Variants in HMCN2 observed in about 807,000 individuals in gnomAD.
The protein encoded by HMCN2 is hemicentin 2, also known as hemicentin-2.
A neutral mutation model predicts 377.5 loss-of-function variants in HMCN2; 325 were observed. The ratio of observed to expected loss-of-function variants is 0.86; its 90% confidence interval spans 0.79 to 0.94. HMCN2 has a LOEUF of 0.94. Ranked by LOEUF, HMCN2 falls within the 40% of genes least tolerant of loss-of-function variation. The probability of loss-of-function intolerance (pLI) is 0.00; values close to 1 mark genes in which losing one functional copy is unlikely to be tolerated. For missense variants in HMCN2, 4,543 were observed against 4,725.3 expected (o/e 0.96, Z 1.13); for synonymous variants, 2,007 against 2,046.8 (o/e 0.98, Z 0.53).
chr9:130,388,697 G>C (rs917344475), intron 62 of HMCN2, among the ~76,000 whole-genome samples, 157 bp downstream of exon 62: 2 of 147,032 alleles, frequency 1.4e-5, no homozygotes, highest in Admixed American at 7.0e-5. Flanking sequence ...ATTTGTGTTT[G>C]AGTGAAGCGT....
At chr9:130,420,014 T>C (rs1843904870) in intron 86 of HMCN2, among the ~76,000 whole-genome samples, 1 of 151,736 alleles carries the variant, frequency 6.6e-6, no homozygotes, top group Admixed American at 6.6e-5. Context: ...GTCTCAGAGT[T>C]AGCCTTGGGT....
intron 1 of HMCN2, among the ~76,000 whole-genome samples, chr9:130,275,859 G>GGCCTGGAA (rs1212653577): frequency 6.6e-6 from 1 of 151,728 alleles, no homozygotes; most frequent in Non-Finnish European, 1.5e-5. Context: ...CCTCCTTGGA[G>GGCCTGGAA]GCCTGGAGGC....
At position 130,302,841 on chromosome 9, in the gene HMCN2, T is replaced by C. The variant is rs535903579; in HGVS notation, c.1277-16T>C. Reference sequence around the variant, plus strand: ...GGCGGTGGGGAGACATTCTGAGTCCTGGTCCCCGCCTACAGGCGCTCCCCT... The same window carrying C: ...GGCGGTGGGGAGACATTCTGAGTCCCGGTCCCCGCCTACAGGCGCTCCCCT... On this transcript the variant is annotated splice_polypyrimidine_tract_variant and intron_variant, in intron 8 of 97. Transcript: ENST00000683500. The C allele has an allele frequency of 4.4e-6, 2 of 454,686 alleles. No homozygotes were observed. Among genetic ancestry groups the C allele is most frequent in the East Asian group, 1.4e-4 (2 of 14,130 alleles). The allele number at this position is 454,686 out of a possible 1,614,324, so 28.2% of individuals were successfully genotyped here. A position where few individuals can be genotyped will look rare whatever the true frequency, so the allele number is the denominator to read the frequency against.
chr9:130,382,354 T>C, intron 55 of HMCN2, 57 bp downstream of exon 55: 2 of 836,198 alleles, frequency 2.4e-6, no homozygotes, highest in Non-Finnish European at 2.9e-6. Flanking sequence ...CGTAAGGGCC[T>C]CCCTCAGAAG....
rs114785636 is a variant in HMCN2 at position 130,396,968 on chromosome 9, G to A, written c.11199-560G>A. 2.1e-3 allele frequency among the ~76,000 whole-genome samples: 324 copies of A among 152,296 alleles called. 2 individuals are homozygous for A. The highest frequency in any genetic ancestry group is 7.4e-3 in the African/African-American group (307 of 41,560). On this transcript the variant is annotated intron_variant, in intron 73 of 97. Coordinates refer to ENST00000683500, the MANE Select transcript of HMCN2 (RefSeq NM_001291815.2). ...CCCTTCTCTCCATCTTTCCAATGTTGGCTTGGGCTGTGGGGAGCTGCTCAT... is the reference window on the plus strand; with the variant it reads ...CCCTTCTCTCCATCTTTCCAATGTTAGCTTGGGCTGTGGGGAGCTGCTCAT...
rs78310819 is a variant in HMCN2 at position 130,282,556 on chromosome 9, G to A, written c.260-2047G>A. 2.4e-3 allele frequency among the ~76,000 whole-genome samples: 364 copies of A among 152,330 alleles called. 2 individuals carry two copies. Among genetic ancestry groups the A allele is most frequent in the African/African-American group, 8.3e-3 (345 of 41,576 alleles). On this transcript the variant is annotated intron_variant, in intron 1 of 97. Coordinates refer to ENST00000683500, the MANE Select transcript of HMCN2 (RefSeq NM_001291815.2). Reference sequence around the variant, plus strand: ...GTGGGGATGGCCAGGGCAGGCGAGGGAGGACAGGGTGGGACGAGACGGATA... The same window carrying A: ...GTGGGGATGGCCAGGGCAGGCGAGGAAGGACAGGGTGGGACGAGACGGATA...
rs883982 is a variant in HMCN2 at position 130,394,950 on chromosome 9, A to T, written c.10693-77A>T. On this transcript the variant is annotated intron_variant, in intron 69 of 97. Coordinates refer to ENST00000683500, the MANE Select transcript of HMCN2 (RefSeq NM_001291815.2). This position sits in a 1 kb window ranked among gnomAD's most constrained non-coding sequence, Gnocchi z 5.1. ...CTGAGTTTGAATCCTGGGTCCCTCG[A>T]TGCATGAGAAAGAAACCAGATTGGG... 0.27 allele frequency: 263,296 copies of T among 969,070 alleles called. 43,217 individuals are homozygous for T. Among genetic ancestry groups the T allele is most frequent in the African/African-American group, 0.72 (42,354 of 59,180 alleles). 60.0% of individuals were successfully genotyped at this position (969,070 alleles called of 1,614,324 possible).
At position 130,422,795 on chromosome 9, in the gene HMCN2, A is replaced by G. The variant is rs1458891581; in HGVS notation, c.13381+69A>G. 2 of 1,192,800 alleles carry G rather than the reference A, an allele frequency of 1.7e-6. No homozygotes were observed. The highest frequency in any genetic ancestry group is 2.1e-6 in the Non-Finnish European group (2 of 943,126). 73.9% of individuals were successfully genotyped at this position (1,192,800 alleles called of 1,614,324 possible). ...CAGCCCAGCGAGCATCCTCCAGAAC[A>G]TGCTGGACCTAGGAGGCGCAGAGCC... On this transcript the variant is annotated intron_variant, in intron 87 of 97. Transcript: ENST00000683500. The surrounding 1 kb of genome is among the most constrained non-coding windows in gnomAD (Gnocchi z 4.2).
rs1164089769 is a variant in HMCN2, at chr9:130,304,586, A to G, written c.1544-144A>G. 1.7e-5 allele frequency: 6 copies of G among 357,712 alleles called. No homozygotes were observed. Among genetic ancestry groups the G allele is most frequent in the Non-Finnish European group, 2.8e-5 (5 of 178,188 alleles). The allele number at this position is 357,712 out of a possible 1,614,324, so 22.2% of individuals were successfully genotyped here. ...ATGGTGAGCAGATGCTGGTCACCCT[A>G]TGCTGCTAGCTGACATGTCCTGAAT... On this transcript the variant is annotated intron_variant, in intron 10 of 97. Coordinates refer to ENST00000683500, the MANE Select transcript of HMCN2 (RefSeq NM_001291815.2). This position sits in a 1 kb window ranked among gnomAD's most constrained non-coding sequence, Gnocchi z 4.3.
rs764827657 is a variant in HMCN2 at position 130,362,866 on chromosome 9, G to A, written c.6109-1G>A. 147 of 985,808 alleles carry A rather than the reference G, an allele frequency of 1.5e-4. 1 individual carries two copies. The highest frequency in any genetic ancestry group is 1.6e-4 in the Non-Finnish European group (136 of 829,976). 61.1% of individuals were successfully genotyped at this position (985,808 alleles called of 1,614,324 possible). On this transcript the variant is annotated splice_acceptor_variant, in intron 39 of 97. Transcript: ENST00000683500. LOFTEE classifies it high-confidence loss of function. ...ATTTGGGCTTCCCCCTGGGGTCACA[G>A]GTCTTCCCTGGGGGCCGGGTCCTCA...
rs568584525 is a variant in HMCN2, at chr9:130,425,112, C to A, written c.13623C>A (p.Asp4541Glu). The change falls in exon 89 of 98, where the codon GAC (aspartate) becomes GAA (glutamate). Residue 4541 changes from aspartate to glutamate, a missense_variant. Around this residue, in one of 5 missense-constraint regions of HMCN2, gnomAD observed 1,155 missense variants for 1,157.7 expected, o/e 1.00. Coordinates refer to ENST00000683500, the MANE Select transcript of HMCN2 (RefSeq NM_001291815.2). ...VNGVVPESLA[D>E]ADLQVQDFEE... The stretch of plus-strand genomic sequence containing the variant: ...GCGTTGTCCCCGAGAGCCTGGCTGA[C>A]GCAGATCTTCAAGTGCAGGTCGGGG... The A allele has an allele frequency of 1.3e-6, 2 of 1,549,208 alleles. No individual in the cohort carries two copies. The highest frequency in any genetic ancestry group is 1.4e-5 in the African/African-American group (1 of 73,096).
chr9:130,426,900 T>C (rs1334143467), intron 90 of HMCN2, among the ~76,000 whole-genome samples: 1 of 152,168 alleles, frequency 6.6e-6, no homozygotes, highest in Non-Finnish European at 1.5e-5. Context: ...CCTTGTGTCC[T>C]TCCTGCCTCC....
chr9:130,369,652 C>T lies in HMCN2; in HGVS notation c.6870C>T (p.Asn2290=), dbSNP rs369544257. The T allele has an allele frequency of 1.9e-4, 186 of 985,896 alleles. No individual in the cohort carries two copies. The East Asian group carries it at 3.3e-3, about 17-fold the overall frequency. The allele number at this position is 985,896 out of a possible 1,614,324, so 61.1% of individuals were successfully genotyped here. A position where few individuals can be genotyped will look rare whatever the true frequency, so the allele number is the denominator to read the frequency against. The part of the protein sequence containing the change: ...VQDGVATLEC[N]ATGKPPPTVT... ...ATGGAGTGGCCACTCTGGAGTGCAA[C>T]GCCACAGGGAAACCCCCTCCGACAG... Residue 2290 remains asparagine, a synonymous_variant, in exon 45 of 98, where the codon AAC becomes AAT. Transcript: ENST00000683500. The surrounding 1 kb of genome is among the most constrained non-coding windows in gnomAD (Gnocchi z 4.5).
rs1256067905 is a variant in HMCN2, at chr9:130,423,692, C to T, written c.13381+966C>T. Among the ~76,000 whole-genome samples the T allele has an allele frequency of 6.6e-6, 1 of 152,234 alleles. No homozygotes were observed. Among genetic ancestry groups the T allele is most frequent in the East Asian group, 1.9e-4 (1 of 5,192 alleles). On this transcript the variant is annotated intron_variant, in intron 87 of 97. Transcript: ENST00000683500. This position sits in a 1 kb window ranked among gnomAD's most constrained non-coding sequence, Gnocchi z 5.5. The stretch of plus-strand genomic sequence containing the variant: ...GCAAGTGGGGAGCGGGTGTGTTCCC[C>T]TTGCCCAGTCCATGGCCCCACCTGG...
At position 130,425,918 on chromosome 9, in the gene HMCN2, C is replaced by G; in HGVS notation, c.13873C>G (p.Gln4625Glu). 3 of 1,547,006 alleles carry G rather than the reference C, an allele frequency of 1.9e-6. No homozygotes were observed. The highest frequency in any genetic ancestry group is 2.6e-6 in the Non-Finnish European group (3 of 1,146,168). Residue 4625 changes from glutamine (Q) to glutamate (E), a missense_variant, in exon 90 of 98, where the codon CAG becomes GAG. Physicochemically the swap from Gln to Glu is conservative, Grantham distance 29 (BLOSUM62 2). Around this residue, in one of 5 missense-constraint regions of HMCN2, gnomAD observed 1,155 missense variants for 1,157.7 expected, o/e 1.00. Coordinates refer to ENST00000683500, the MANE Select transcript of HMCN2 (RefSeq NM_001291815.2). ...GCGCTTCCAGCTCGCTACAGCCCTG[C>G]AGGCGGGTGAGGCCCCTCTGCTTTG... Reference protein sequence around the residue: ...ALRFQLATALQAEENEVGCPE... With the variant: ...ALRFQLATALEAEENEVGCPE...
chr9:130,400,371 G>C (rs2131711880), intron 76 of HMCN2: 1 of 162,536 alleles, frequency 6.2e-6, no homozygotes, highest in East Asian at 1.9e-4. Flanking sequence ...TATGCTGATT[G>C]GGTGTTCGCA....
At chr9:130,289,829 C>T (rs1167351389) in intron 4 of HMCN2, among the ~76,000 whole-genome samples, 1 of 152,174 alleles carries the variant, frequency 6.6e-6, no homozygotes, top group Non-Finnish European at 1.5e-5. Flanking sequence ...CTCTCTCTGT[C>T]ACTTCACGGT....
rs535652657 is a variant in HMCN2, at chr9:130,424,788, G to A, written c.13394G>A (p.Arg4465Gln). 2.1e-5 allele frequency: 32 copies of A among 1,538,854 alleles called. No homozygotes were observed. The East Asian group carries it at 3.0e-4, about 14-fold the overall frequency. Residue 4465 changes from arginine to glutamine, a missense_variant, in exon 88 of 98, where the codon CGG (arginine) becomes CAG (glutamine). Physicochemically the swap from Arg to Gln is conservative, Grantham distance 43. Coordinates refer to ENST00000683500, the MANE Select transcript of HMCN2 (RefSeq NM_001291815.2). Reference protein sequence around the residue: ...HVPANVGPLMRVLVVTIAPIY... With the variant: ...HVPANVGPLMQVLVVTIAPIY... ...CTGCCCCACCCAGGGCCTCTGATGC[G>A]GGTGCTCGTGGTCACCATCGCCCCC... is the stretch of plus-strand genomic sequence containing the variant.
chr9:130,433,024 G>A (rs999492234), intron 97 of HMCN2: 14 of 405,782 alleles, frequency 3.5e-5, no homozygotes, highest in Non-Finnish European at 4.8e-5. Flanking sequence ...CGCCCCCGCA[G>A]GGCAAATCCA....
Sources: gnomAD v4.1 joint callset for allele counts (sites outside exome capture counted in the v4.1 genomes callset) on GRCh38, gnomAD v4.1.1 for gene constraint, gnomAD v4.1.1 regional missense constraint, Gnocchi (gnomAD v3.1) non-coding constraint, MANE v1.5 for transcripts, NCBI Gene and HGNC (gene_info 2026-07-23, HGNC 2026-07-21) for gene names.